Variants in BRI3BP observed in about 807,000 individuals in gnomAD.
BRI3BP encodes BRI3-binding protein.
BRI3BP carries 7 observed loss-of-function variants against 15.8 expected under a neutral mutation model. The observed-to-expected ratio is 0.44, with a 90% confidence interval of 0.25 to 0.83. The LOEUF (loss-of-function observed/expected upper bound fraction) is 0.83, where lower values mean the gene tolerates loss of function less well. Among genes scored for constraint, BRI3BP ranks in the 40% least tolerant of loss-of-function variants. BRI3BP has a pLI of 0.20. For missense variants in BRI3BP, 320 were observed against 339.3 expected (o/e 0.94, Z 0.45); for synonymous variants, 192 against 163.5 (o/e 1.17, Z -1.33).
At chr12:125,037,671 G>A in the BRI3BP span, among the ~76,000 whole-genome samples, 1 of 151,828 alleles carries the variant, frequency 6.6e-6, no homozygotes, top group Non-Finnish European at 1.5e-5. Context: ...AATTAGCTGG[G>A]TGTGTTACTG....
At chr12:124,998,230 T>A (rs986338461) in intron 1 of BRI3BP, among the ~76,000 whole-genome samples, 3 of 151,968 alleles carry the variant, frequency 2.0e-5, no homozygotes, top group African/African-American at 7.3e-5. Context: ...AGGCTGACGT[T>A]GCGGTGAGGT....
chr12:125,034,780 G>A (rs945453153), downstream of BRI3BP, among the ~76,000 whole-genome samples: 3 of 152,070 alleles, frequency 2.0e-5, no homozygotes, highest in Non-Finnish European at 2.9e-5. Flanking sequence ...AGTAGAGACG[G>A]GGTTTCACCA....
intron 1 of BRI3BP, among the ~76,000 whole-genome samples, chr12:125,007,316 G>A (rs1271798642): frequency 6.6e-6 from 1 of 152,092 alleles, no homozygotes; most frequent in Non-Finnish European, 1.5e-5. Context: ...TTGGGAGGCT[G>A]AGGCAGGCAG....
chr12:125,013,946 C>G (rs1456822126), intron 2 of BRI3BP, among the ~76,000 whole-genome samples: 1 of 152,156 alleles, frequency 6.6e-6, no homozygotes, highest in Non-Finnish European at 1.5e-5. Flanking sequence ...TGTGCTACCC[C>G]CAGCCTTACA....
intron 1 of BRI3BP, among the ~76,000 whole-genome samples, chr12:125,000,636 A>T (rs1955083203): frequency 1.3e-5 from 2 of 152,144 alleles, no homozygotes; most frequent in African/African-American, 2.4e-5. Flanking sequence ...TTTTATGTTG[A>T]TAATTTTTCA....
intron 1 of BRI3BP, among the ~76,000 whole-genome samples, chr12:125,011,093 TAAAA>T (rs35697952): frequency 4.3e-5 from 4 of 93,460 alleles, no homozygotes; most frequent in Non-Finnish European, 8.2e-5. Flanking sequence ...GACCCTGTCT[TAAAA>T]AAAAAAAAAA....
chr12:124,996,253 C>G (rs995872519), intron 1 of BRI3BP, among the ~76,000 whole-genome samples: 1 of 152,080 alleles, frequency 6.6e-6, no homozygotes, highest in East Asian at 1.9e-4. Flanking sequence ...CCCACACTGG[C>G]CAGGCTTGGG....
chr12:125,014,030 G>A (rs1386618048), intron 2 of BRI3BP, among the ~76,000 whole-genome samples: 2 of 152,168 alleles, frequency 1.3e-5, no homozygotes, highest in Non-Finnish European at 2.9e-5. Context: ...AACCCGGGCA[G>A]AGTGCCCAGG....
chr12:125,007,544 G>A (rs1955155871), intron 1 of BRI3BP, among the ~76,000 whole-genome samples: 1 of 151,924 alleles, frequency 6.6e-6, no homozygotes, highest in South Asian at 2.1e-4. Flanking sequence ...GCAAGACTCT[G>A]TCTCAGGAAA....
chr12:125,020,601 A>C (rs1955290014), intron 2 of BRI3BP, among the ~76,000 whole-genome samples: 1 of 152,242 alleles, frequency 6.6e-6, no homozygotes, highest in Non-Finnish European at 1.5e-5. Context: ...AATTATTAAC[A>C]ATGGCTGGAC....
the BRI3BP span, among the ~76,000 whole-genome samples, chr12:125,049,850 G>T: frequency 6.6e-6 from 1 of 152,178 alleles, no homozygotes; most frequent in African/African-American, 2.4e-5. Flanking sequence ...CGCCGCCCGG[G>T]CGTTGGGGTC....
intron 1 of BRI3BP, among the ~76,000 whole-genome samples, chr12:125,001,286 G>A (rs946548022): frequency 5.3e-5 from 8 of 152,088 alleles, no homozygotes; most frequent in Admixed American, 6.6e-5. Flanking sequence ...TGGATCTCCT[G>A]ACCTCGTGAT....
rs747603221 is a variant in BRI3BP, at chr12:124,994,014, G to GGCCCGC, written c.213+19_213+24dup. The GGCCCGC allele has an allele frequency of 2.0e-5, 26 of 1,323,660 alleles. No individual in the cohort carries two copies. Among genetic ancestry groups the GGCCCGC allele is most frequent in the Non-Finnish European group, 2.5e-5 (26 of 1,023,676 alleles). The allele number at this position is 1,323,660 out of a possible 1,614,324, so 82.0% of individuals were successfully genotyped here. ...CGCGCCGCTCAGAAGGTGGGCGCCG[G>GGCCCGC]GCCCGCGCCCGCGGTCACCTTGCCC... On this transcript the variant is annotated intron_variant, in intron 1 of 2. Coordinates refer to ENST00000341446, the MANE Select transcript of BRI3BP (RefSeq NM_080626.6).
chr12:125,001,933 C>G (rs1955095402), intron 1 of BRI3BP, among the ~76,000 whole-genome samples: 1 of 152,168 alleles, frequency 6.6e-6, no homozygotes, highest in South Asian at 2.1e-4. Flanking sequence ...AACTGCCAAT[C>G]TGCTTTCTGT....
At chr12:125,014,091 G>A (rs1448100067) in intron 2 of BRI3BP, among the ~76,000 whole-genome samples, 1 of 152,156 alleles carries the variant, frequency 6.6e-6, no homozygotes, top group African/African-American at 2.4e-5. Flanking sequence ...CGCCTTAAGA[G>A]CTTCAGAGGC....
chr12:125,047,948 C>T, the BRI3BP span, among the ~76,000 whole-genome samples: 2 of 151,414 alleles, frequency 1.3e-5, no homozygotes, highest in South Asian at 2.1e-4. Flanking sequence ...CTGCACACCT[C>T]GGCCTCCCAA....
At chr12:125,046,091 G>A in the BRI3BP span, among the ~76,000 whole-genome samples, 1 of 152,054 alleles carries the variant, frequency 6.6e-6, no homozygotes, top group African/African-American at 2.4e-5. Context: ...CTTGAACCCA[G>A]GAGGTGGAGG....
In BRI3BP at chr12:125,025,636, C is replaced by G. The variant is rs566637366; in HGVS notation, c.*206C>G. The G allele has an allele frequency of 3.7e-6, 2 of 545,606 alleles. No homozygotes were observed. Among genetic ancestry groups the G allele is most frequent in the Non-Finnish European group, 6.3e-6 (2 of 316,532 alleles). 33.8% of individuals were successfully genotyped at this position (545,606 alleles called of 1,614,324 possible). A position where few individuals can be genotyped will look rare whatever the true frequency, so the allele number is the denominator to read the frequency against. ...AAGATCATTGACGTGGAACTACACA[C>G]GAAGTGTAATTAGTGGGGGAAAAAA... is the stretch of plus-strand genomic sequence containing the variant. On this transcript the variant is annotated 3_prime_UTR_variant, in exon 3 of 3. Coordinates refer to ENST00000341446, the MANE Select transcript of BRI3BP (RefSeq NM_080626.6).
chr12:125,018,242 A>C (rs1248573939), intron 2 of BRI3BP, among the ~76,000 whole-genome samples: 1 of 152,142 alleles, frequency 6.6e-6, no homozygotes, highest in East Asian at 1.9e-4. Context: ...CCACCAAAAC[A>C]TTCACTTTGC....
Sources: gnomAD v4.1 joint callset for allele counts (sites outside exome capture counted in the v4.1 genomes callset) on GRCh38, gnomAD v4.1.1 for gene constraint, MANE v1.5 for transcripts, NCBI Gene and HGNC (gene_info 2026-07-23, HGNC 2026-07-21) for gene names.